Variants in GIPC2 observed in about 807,000 individuals in gnomAD.
GIPC2 encodes PDZ domain-containing protein GIPC2.
Under a neutral mutation model 30.6 loss-of-function variants are expected in GIPC2, and 30 were observed. The ratio of observed to expected loss-of-function variants is 0.98; its 90% CI spans 0.73 to 1.33. The LOEUF is 1.33. GIPC2 is among the 40% of genes most tolerant of loss of function. The probability of loss-of-function intolerance (pLI) is 0.00; values close to 1 mark genes in which losing one functional copy is unlikely to be tolerated. For synonymous variants in GIPC2, 167 were observed against 150.0 expected (o/e 1.11, Z -0.83); for missense variants, 414 against 390.3 (o/e 1.06, Z -0.51).
chr1:78,131,397 A>G (rs1273313564), intron 5 of GIPC2, among the ~76,000 whole-genome samples: 1 of 151,894 alleles, frequency 6.6e-6, no homozygotes, highest in Non-Finnish European at 1.5e-5. Flanking sequence ...TTTAGTAGAG[A>G]TGGGGTTTCA....
chr1:78,109,224 C>T (rs952751360), intron 3 of GIPC2, among the ~76,000 whole-genome samples: 3 of 152,204 alleles, frequency 2.0e-5, no homozygotes, highest in East Asian at 1.9e-4. Context: ...TCTGACCTTG[C>T]GGCCTTTAGT....
At chr1:78,121,322 G>A (rs1662679047) in intron 4 of GIPC2, among the ~76,000 whole-genome samples, 1 of 152,154 alleles carries the variant, frequency 6.6e-6, no homozygotes, top group African/African-American at 2.4e-5. Context: ...TGAGCTCGGG[G>A]GGGCAGGGGC....
chr1:78,068,117 T>TA (rs1661553317), intron 1 of GIPC2, among the ~76,000 whole-genome samples: 1 of 152,214 alleles, frequency 6.6e-6, no homozygotes. Context: ...TGTCAATGCT[T>TA]ATTCTTCTAA....
rs1663032465 is a variant in GIPC2 at position 78,137,718 on chromosome 1, T to C, written c.*1975T>C. ...TATACTGCCTGTAATAGGTTTTTCC[T>C]TGAAATATCCTTATCTTTCACCTCT... On this transcript the variant is annotated 3_prime_UTR_variant, in exon 6 of 6. Coordinates refer to ENST00000370759, the MANE Select transcript of GIPC2 (RefSeq NM_017655.6). 1 of 146,586 alleles carries C rather than the reference T, an allele frequency of 6.8e-6. No individual in the cohort carries two copies. The highest frequency in any genetic ancestry group is 1.5e-5 in the Non-Finnish European group (1 of 66,300). The allele number at this position is 146,586 out of a possible 1,614,324, so 9.1% of individuals were successfully genotyped here.
intron 2 of GIPC2, among the ~76,000 whole-genome samples, chr1:78,088,077 CTAT>C (rs3052299): frequency 0.99 from 151,350 of 152,146 alleles, 75,283 homozygotes; most frequent in Middle Eastern, 1. Flanking sequence ...GTCAGAATGG[CTAT>C]TATTATTAAA....
chr1:78,131,086 A>G (rs979319776), intron 5 of GIPC2, among the ~76,000 whole-genome samples: 1 of 152,162 alleles, frequency 6.6e-6, no homozygotes, highest in Admixed American at 6.5e-5. Flanking sequence ...GTCTCCCTAC[A>G]TCACCCTCCC....
chr1:78,046,312 C>A lies in GIPC2; in HGVS notation c.218C>A (p.Ala73Glu). Residue 73 changes from alanine (A) to glutamate (E), a missense_variant, in exon 1 of 6, where the codon GCG becomes GAG. Coordinates refer to ENST00000370759, the MANE Select transcript of GIPC2 (RefSeq NM_017655.6). ...GAGCTCTACGCCCAGATCGCGGGCG[C>A]GTTTGAAATCTCGCCGTCGGAGGTA... is the stretch of plus-strand genomic sequence containing the variant. ...IQELYAQIAG[A>E]FEISPSEILY... 6.2e-7 allele frequency: 1 copy of A among 1,611,214 alleles called. No homozygotes were observed. Among genetic ancestry groups the A allele is most frequent in the Non-Finnish European group, 8.5e-7 (1 of 1,179,416 alleles).
intron 1 of GIPC2, among the ~76,000 whole-genome samples, chr1:78,074,651 C>T (rs1292206762): frequency 6.6e-6 from 1 of 152,182 alleles, no homozygotes; most frequent in Non-Finnish European, 1.5e-5. Context: ...AAACTAGATC[C>T]AGAACTCTTA....
intron 1 of GIPC2, among the ~76,000 whole-genome samples, chr1:78,049,857 T>G (rs186157155): frequency 5.3e-5 from 8 of 151,764 alleles, no homozygotes; most frequent in Non-Finnish European, 7.4e-5. Flanking sequence ...TCTTGGTAGC[T>G]GCATTCAAAT....
chr1:78,046,839 A>G (rs1209365224), intron 1 of GIPC2, among the ~76,000 whole-genome samples: 1 of 151,184 alleles, frequency 6.6e-6, no homozygotes, highest in Admixed American at 6.6e-5. Flanking sequence ...GGGGGGGAAA[A>G]CATTGAAGAG....
chr1:78,060,819 G>A (rs1661377532), intron 1 of GIPC2, among the ~76,000 whole-genome samples: 1 of 151,370 alleles, frequency 6.6e-6, no homozygotes, highest in African/African-American at 2.4e-5. Context: ...ATGTGTGTGT[G>A]TGTATATAGA....
At chr1:78,089,739 A>T (rs147925346) in intron 2 of GIPC2, among the ~76,000 whole-genome samples, 220 of 152,336 alleles carry the variant, frequency 1.4e-3, no homozygotes, top group African/African-American at 4.9e-3. Flanking sequence ...AAAGTATATA[A>T]ATACCTTAAT....
At chr1:78,107,994 A>G (rs1480228905) in intron 3 of GIPC2, among the ~76,000 whole-genome samples, 1 of 152,066 alleles carries the variant, frequency 6.6e-6, no homozygotes, top group African/African-American at 2.4e-5. Context: ...TATGTTATCA[A>G]CTCTTTACAT....
At chr1:78,103,998 G>A (rs968266074) in intron 3 of GIPC2, among the ~76,000 whole-genome samples, 1 of 152,116 alleles carries the variant, frequency 6.6e-6, no homozygotes, top group African/African-American at 2.4e-5. Context: ...ACTGGGTGTG[G>A]GTGTGGGGGT....
intron 4 of GIPC2, among the ~76,000 whole-genome samples, chr1:78,121,333 A>G (rs887825775): frequency 1.3e-5 from 2 of 152,132 alleles, no homozygotes; most frequent in South Asian, 4.2e-4. Context: ...GGGCAGGGGC[A>G]AGGCTCTGGG....
rs1662114398 is a variant in GIPC2, at chr1:78,095,139, C to T, written c.607+7C>T. 18 of 1,603,594 alleles carry T rather than the reference C, an allele frequency of 1.1e-5. No homozygotes were observed. The highest frequency in any genetic ancestry group is 1.5e-5 in the Non-Finnish European group (17 of 1,171,816). ...GAACCTAAGAAGGCATTTGGTAAGT[C>T]AGGGGTTGGTGGGCGGGTGTGTGAA... On this transcript the variant is annotated splice_region_variant and intron_variant, in intron 3 of 5. Coordinates refer to ENST00000370759, the MANE Select transcript of GIPC2 (RefSeq NM_017655.6).
At chr1:78,045,642 T>C (rs996548168), upstream of GIPC2, 15 of 985,344 alleles carry the variant, frequency 1.5e-5, no homozygotes, top group African/African-American at 1.7e-5. Flanking sequence ...GGTTGACTTC[T>C]ACTTAAATCC....
At chr1:78,048,329 A>C (rs1180022258) in intron 1 of GIPC2, among the ~76,000 whole-genome samples, 1 of 152,208 alleles carries the variant, frequency 6.6e-6, no homozygotes, top group Non-Finnish European at 1.5e-5. Flanking sequence ...GAGAGGAAAC[A>C]GACTTTGAGG....
chr1:78,046,380 C>A (rs977368756), intron 1 of GIPC2, 46 bp downstream of exon 1: 8 of 1,517,850 alleles, frequency 5.3e-6, no homozygotes, highest in Non-Finnish European at 7.2e-6. Context: ...CGCCGCGCCG[C>A]GCCGCGCCGC....
Sources: gnomAD v4.1 joint callset for allele counts (sites outside exome capture counted in the v4.1 genomes callset) on GRCh38, gnomAD v4.1.1 for gene constraint, MANE v1.5 for transcripts, NCBI Gene and HGNC (gene_info 2026-07-23, HGNC 2026-07-21) for gene names.